KRTAP9-7: variants seen among roughly 807,000 people sequenced by gnomAD.
KRTAP9-7 encodes the protein keratin associated protein 9-7.
For synonymous variants in KRTAP9-7, 68 were observed against 72.5 expected (o/e 0.94, Z 0.32); for missense variants, 157 against 198.3 (o/e 0.79, Z 1.25).
chr17:41,276,182 GCTGCTGTCAGC>G, the KRTAP9-7 span: 2 of 1,614,168 alleles, frequency 1.2e-6, no homozygotes, highest in African/African-American at 2.7e-5. Flanking sequence ...TGTGTGACCA[GCTGCTGTCAGC>G]CTGCTTGCTG....
chr17:41,276,166 C>A, exon 1 of KRTAP9-7: 1 of 1,614,166 alleles, frequency 6.2e-7, no homozygotes, highest in South Asian at 1.1e-5. Context: ...TTGCTTCCAG[C>A]CCACCTGTGT....
exon 1 of KRTAP9-7, chr17:41,276,194 C>T: frequency 1.2e-6 from 2 of 1,614,058 alleles, no homozygotes; most frequent in South Asian, 2.2e-5. Context: ...TGCTGTCAGC[C>T]TGCTTGCTGC....
At chr17:41,276,038 C>A (rs749616376) in exon 1 of KRTAP9-7, 1 of 1,613,634 alleles carries the variant, frequency 6.2e-7, no homozygotes, top group South Asian at 1.1e-5. Context: ...TGCAGGAGAA[C>A]CTGCTACCAC....
chr17:41,275,914 C>G lies in KRTAP9-7; in HGVS notation c.217C>G (p.Pro73Ala), dbSNP rs773996477. 1.6e-5 allele frequency: 25 copies of G among 1,611,690 alleles called. No individual in the cohort carries two copies. The East Asian group carries it at 5.6e-4, about 36-fold the overall frequency. The change falls in exon 1 of 1, where the codon CCT becomes GCT. Residue 73 changes from proline to alanine, a missense_variant. By Grantham distance (27) the Pro-to-Ala change is conservative (BLOSUM62 -1). Coordinates refer to ENST00000391354, the Ensembl canonical transcript of KRTAP9-7. ...CACCTGTGTGACCAGCTGCTGCCAG[C>G]CTTCCTGCTGCAGCACACCCTGCTG...
At position 41,275,909 on chromosome 17, in the gene KRTAP9-7, G is replaced by A. The variant is rs563638671; in HGVS notation, c.212G>A (p.Cys71Tyr). The change falls in exon 1 of 1, where the codon TGC becomes TAC. Residue 71 changes from cysteine to tyrosine, a missense_variant. Coordinates refer to ENST00000391354, the Ensembl canonical transcript of KRTAP9-7. ...CAGCCCACCTGTGTGACCAGCTGCT[G>A]CCAGCCTTCCTGCTGCAGCACACCC... 9.3e-6 allele frequency: 15 copies of A among 1,611,836 alleles called. No individual in the cohort carries two copies. In the East Asian group the frequency reaches 3.1e-4, roughly 34 times the overall value.
chr17:41,275,951 G>T (rs1181157492), exon 1 of KRTAP9-7: 1 of 1,611,942 alleles, frequency 6.2e-7, no homozygotes, highest in East Asian at 2.2e-5. Flanking sequence ...CAGCCCATCT[G>T]CTGTGGGTCC....
At position 41,276,112 on chromosome 17, in the gene KRTAP9-7, T is replaced by A. The variant is rs534747895; in HGVS notation, c.415T>A (p.Cys139Ser). The change falls in exon 1 of 1, where the codon TGC becomes AGC. Residue 139 changes from cysteine (C) to serine (S), a missense_variant. By Grantham distance (112) the Cys-to-Ser change is moderately radical. Coordinates refer to ENST00000391354, the Ensembl canonical transcript of KRTAP9-7. ...CTGTGGCTCCAGCTGCTGCCAGCCG[T>A]GCTGCCGCCCAGCCTGCTGTGAGAC... The A allele has an allele frequency of 3.7e-5, 59 of 1,613,682 alleles. No homozygotes were observed. The African/African-American group carries it at 7.3e-4, about 20-fold the overall frequency.
exon 1 of KRTAP9-7, chr17:41,276,100 T>G: frequency 6.2e-7 from 1 of 1,613,814 alleles, no homozygotes; most frequent in South Asian, 1.1e-5. Context: ...TGGCTCCAGC[T>G]GCTGCCAGCC....
chr17:41,276,101 G>T (rs754285730), exon 1 of KRTAP9-7: 1 of 1,613,856 alleles, frequency 6.2e-7, no homozygotes, highest in Admixed American at 1.7e-5. Context: ...GGCTCCAGCT[G>T]CTGCCAGCCG....
At chr17:41,275,800 C>A (rs781115085) in exon 1 of KRTAP9-7, 3 of 1,567,660 alleles carry the variant, frequency 1.9e-6, no homozygotes, top group Middle Eastern at 1.9e-4. Context: ...CTGCTGCCAG[C>A]CCTCCTGCTG....
chr17:41,276,139 A>C (rs760632575), exon 1 of KRTAP9-7: 2 of 1,613,926 alleles, frequency 1.2e-6, no homozygotes, highest in Non-Finnish European at 1.7e-6. Flanking sequence ...CTGTGAGACT[A>C]CCTGCTGCAG....
exon 1 of KRTAP9-7, chr17:41,275,931 A>T: frequency 6.2e-7 from 1 of 1,612,504 alleles, no homozygotes; most frequent in Non-Finnish European, 8.5e-7. Flanking sequence ...GCTGCAGCAC[A>T]CCCTGCTGCC....
exon 1 of KRTAP9-7, chr17:41,276,113 G>C (rs746451948): frequency 6.2e-7 from 1 of 1,613,610 alleles, no homozygotes; most frequent in Non-Finnish European, 8.5e-7. Flanking sequence ...TGCCAGCCGT[G>C]CTGCCGCCCA....
At chr17:41,275,922 C>T (rs767225107) in exon 1 of KRTAP9-7, 8 of 1,613,582 alleles carry the variant, frequency 5.0e-6, no homozygotes, top group Non-Finnish European at 6.8e-6. Context: ...AGCCTTCCTG[C>T]TGCAGCACAC....
chr17:41,275,964 C>A, exon 1 of KRTAP9-7: 2 of 1,613,674 alleles, frequency 1.2e-6, no homozygotes, highest in South Asian at 1.1e-5. Context: ...GTGGGTCCAG[C>A]TGCTGTGGCC....
At chr17:41,276,121 C>T (rs1323758330) in exon 1 of KRTAP9-7, 2 of 1,613,726 alleles carry the variant, frequency 1.2e-6, no homozygotes, top group African/African-American at 2.7e-5. Flanking sequence ...GTGCTGCCGC[C>T]CAGCCTGCTG....
chr17:41,276,203 G>A, exon 1 of KRTAP9-7: 1 of 1,613,966 alleles, frequency 6.2e-7, no homozygotes, highest in Non-Finnish European at 8.5e-7. Context: ...CCTGCTTGCT[G>A]CTGATCAGTT....
At chr17:41,275,979 C>G (rs529906530) in exon 1 of KRTAP9-7, 2 of 1,613,698 alleles carry the variant, frequency 1.2e-6, no homozygotes, top group Admixed American at 1.7e-5. Context: ...GTGGCCAAAC[C>G]AGCTGTGGGT....
At chr17:41,275,812 G>A in exon 1 of KRTAP9-7, 1 of 1,579,454 alleles carries the variant, frequency 6.3e-7, no homozygotes, top group Non-Finnish European at 8.6e-7. Flanking sequence ...CTCCTGCTGT[G>A]TGTCCAGCTG....
Sources: gnomAD v4.1 joint callset for allele counts on GRCh38, gnomAD v4.1.1 for gene constraint, MANE v1.5 for transcripts, NCBI Gene and HGNC (gene_info 2026-07-23, HGNC 2026-07-21) for gene names.